The following ZSCAN25 variants were observed in gnomAD, a reference collection of about 807,000 sequenced individuals.
The protein encoded by ZSCAN25 is zinc finger and SCAN domain containing 25, also known as zinc finger and SCAN domain-containing protein 25.
Under a neutral mutation model 38.7 loss-of-function variants are expected in ZSCAN25, and 27 were observed. The ratio of observed to expected loss-of-function variants is 0.70; its 90% CI spans 0.51 to 0.96. The LOEUF (loss-of-function observed/expected upper bound fraction) is 0.96, where lower values mean the gene tolerates loss of function less well. ZSCAN25 is among the 40% of genes least tolerant of loss of function. The pLI is 0.00. For synonymous variants in ZSCAN25, 273 were observed against 277.7 expected (o/e 0.98, Z 0.17); for missense variants, 637 against 705.9 (o/e 0.90, Z 1.11).
the ZSCAN25 span, chr7:99,647,490 A>G: frequency 3.0e-6 from 3 of 985,312 alleles, no homozygotes; most frequent in African/African-American, 1.7e-5. Flanking sequence ...CATTAAGACA[A>G]TTGGGAGGTG....
At chr7:99,682,222 G>A in the ZSCAN25 span, among the ~76,000 whole-genome samples, 1 of 152,114 alleles carries the variant, frequency 6.6e-6, no homozygotes, top group East Asian at 1.9e-4. Flanking sequence ...CACCCGCCTC[G>A]GCCTCTCAAA....
At chr7:99,734,459 TCAA>T in the ZSCAN25 span, among the ~76,000 whole-genome samples, 1 of 152,144 alleles carries the variant, frequency 6.6e-6, no homozygotes. Context: ...TAGATTATCC[TCAA>T]TCAATGCTGT....
chr7:99,737,276 G>C, the ZSCAN25 span, among the ~76,000 whole-genome samples: 1 of 152,128 alleles, frequency 6.6e-6, no homozygotes, highest in Non-Finnish European at 1.5e-5. Context: ...TAGGTCCTCT[G>C]CTGCTCTGGT....
At chr7:99,709,127 A>T in the ZSCAN25 span, 1 of 1,613,992 alleles carries the variant, frequency 6.2e-7, no homozygotes, top group East Asian at 2.2e-5. Flanking sequence ...CTTTGGGAAT[A>T]AACATCCCAT....
At chr7:99,634,925 G>C (rs1808210686), downstream of ZSCAN25, among the ~76,000 whole-genome samples, 2 of 152,176 alleles carry the variant, frequency 1.3e-5, no homozygotes, top group Non-Finnish European at 2.9e-5. Context: ...CTGGGTGACA[G>C]AGCGAGACTC....
the ZSCAN25 span, chr7:99,699,828 T>G: frequency 1.6e-6 from 1 of 617,708 alleles, no homozygotes; most frequent in Admixed American, 2.6e-5. Context: ...TAATAACCTC[T>G]ATGTGTTTGT....
chr7:99,676,271 A>C, the ZSCAN25 span: 2 of 1,607,428 alleles, frequency 1.2e-6, no homozygotes, highest in Admixed American at 3.4e-5. Flanking sequence ...AGGGCTGGTG[A>C]GTTACTCAGG....
At chr7:99,659,850 C>G in the ZSCAN25 span, 5 of 150,142 alleles carry the variant, frequency 3.3e-5, no homozygotes, top group African/African-American at 1.3e-4. Context: ...GAGCGAGGCT[C>G]CATGGGCGTA....
the ZSCAN25 span, among the ~76,000 whole-genome samples, chr7:99,731,938 A>G: frequency 6.6e-6 from 1 of 152,196 alleles, no homozygotes; most frequent in East Asian, 1.9e-4. Flanking sequence ...ATCACAACTA[A>G]GAACAAGGAC....
the ZSCAN25 span, among the ~76,000 whole-genome samples, chr7:99,661,174 G>A: frequency 6.6e-6 from 1 of 152,092 alleles, no homozygotes; most frequent in African/African-American, 2.4e-5. Flanking sequence ...GACCAATACT[G>A]AGCTACAGAT....
At chr7:99,684,387 C>T in the ZSCAN25 span, among the ~76,000 whole-genome samples, 1 of 152,064 alleles carries the variant, frequency 6.6e-6, no homozygotes, top group African/African-American at 2.4e-5. Context: ...AGGCTGGTCT[C>T]GAACTCCTGA....
chr7:99,638,467 G>T, the ZSCAN25 span: 2 of 1,537,130 alleles, frequency 1.3e-6, no homozygotes, highest in South Asian at 2.2e-5. Flanking sequence ...TGCAGCTCCT[G>T]GCAAGCCTCA....
the ZSCAN25 span, chr7:99,695,860 C>T: frequency 1.2e-6 from 2 of 1,606,602 alleles, no homozygotes; most frequent in South Asian, 2.2e-5. Flanking sequence ...AATCAGAAAT[C>T]AGGTCTCAGG....
In ZSCAN25 at chr7:99,630,477, C is replaced by T. The variant is rs1372922920; in HGVS notation, c.*457C>T. On this transcript the variant is annotated 3_prime_UTR_variant, in exon 8 of 8. Coordinates refer to ENST00000394152, the MANE Select transcript of ZSCAN25 (RefSeq NM_145115.3). ...ATTGAACATCCTCTGAGCACCTGGCCGTGGGAATGCCGTGGTGAATGAGAG... is the reference window on the plus strand; with the variant it reads ...ATTGAACATCCTCTGAGCACCTGGCTGTGGGAATGCCGTGGTGAATGAGAG... 4.0e-6 allele frequency: 4 copies of T among 995,882 alleles called. No homozygotes were observed. Among genetic ancestry groups the T allele is most frequent in the African/African-American group, 3.5e-5 (2 of 57,380 alleles). 61.7% of individuals were successfully genotyped at this position (995,882 alleles called of 1,614,324 possible).
the ZSCAN25 span, chr7:99,695,899 G>C: frequency 1.4e-6 from 2 of 1,445,738 alleles, no homozygotes; most frequent in Non-Finnish European, 1.9e-6. Context: ...ATGGGGGCTG[G>C]TAAGTCACTG....
At chr7:99,679,880 T>A in the ZSCAN25 span, 1 of 1,614,060 alleles carries the variant, frequency 6.2e-7, no homozygotes, top group Non-Finnish European at 8.5e-7. Context: ...CACCGCCAAA[T>A]TTGGGATGAG....
the ZSCAN25 span, among the ~76,000 whole-genome samples, chr7:99,683,323 G>A: frequency 6.5e-4 from 99 of 152,110 alleles, no homozygotes; most frequent in Admixed American, 1.1e-3. Flanking sequence ...AGAGAAGTAG[G>A]GAGTATATGT....
chr7:99,684,355 A>G, the ZSCAN25 span, among the ~76,000 whole-genome samples: 1 of 151,958 alleles, frequency 6.6e-6, no homozygotes, highest in Admixed American at 6.6e-5. Context: ...TTTAGTAGAG[A>G]TGGGGTTTCA....
the ZSCAN25 span, among the ~76,000 whole-genome samples, chr7:99,662,660 A>G: frequency 1.3e-5 from 2 of 152,190 alleles, no homozygotes; most frequent in African/African-American, 2.4e-5. This position sits in a 1 kb window ranked among gnomAD's most constrained non-coding sequence, Gnocchi z 4.3. Context: ...GCTTCTGGAA[A>G]GTGCCTCCAG....
Sources: allele counts gnomAD v4.1 joint callset (sites outside exome capture counted in the v4.1 genomes callset), GRCh38; gene constraint gnomAD v4.1.1; non-coding constraint Gnocchi (gnomAD v3.1); transcripts MANE v1.5; gene names NCBI Gene and HGNC (gene_info 2026-07-23, HGNC 2026-07-21).